The following SHANK2 variants were observed in gnomAD, a reference collection of about 807,000 sequenced individuals.
SHANK2 encodes the protein SH3 and multiple ankyrin repeat domains 2.
In SHANK2, 43 loss-of-function variants were observed where a neutral mutation model predicts 133.7. That is an observed-to-expected ratio of 0.32 (90% CI 0.25 to 0.41). The LOEUF (loss-of-function observed/expected upper bound fraction) is 0.41. SHANK2 is among the 10% of genes least tolerant of loss of function. The pLI is 1.00. For synonymous variants in SHANK2, 1,017 were observed against 952.8 expected (o/e 1.07, Z -1.24); for missense variants, 1,994 against 2,235.8 (o/e 0.89, Z 2.18).
intron 10 of SHANK2, among the ~76,000 whole-genome samples, chr11:70,925,409 TA>T (rs1452947882): frequency 6.6e-6 from 1 of 152,130 alleles, no homozygotes; most frequent in African/African-American, 2.4e-5. Context: ...AGCTGTGTAA[TA>T]AGGAAACAGC....
At chr11:70,549,546 G>C (rs1313783815) in intron 17 of SHANK2, among the ~76,000 whole-genome samples, 2 of 152,216 alleles carry the variant, frequency 1.3e-5, no homozygotes, top group African/African-American at 4.8e-5. Flanking sequence ...TTTGGTGCTC[G>C]AGGCAGTGTG....
At chr11:71,112,572 C>T (rs1032388273) in intron 5 of SHANK2, among the ~76,000 whole-genome samples, 2 of 152,150 alleles carry the variant, frequency 1.3e-5, no homozygotes, top group Admixed American at 6.5e-5. Context: ...CCCGGACTCT[C>T]CACCCCATGC....
At chr11:70,788,984 G>C (rs1458722116) in intron 14 of SHANK2, among the ~76,000 whole-genome samples, 1 of 152,036 alleles carries the variant, frequency 6.6e-6, no homozygotes, top group Non-Finnish European at 1.5e-5. Flanking sequence ...GTGTGGGGCT[G>C]GTGGCGGTCC....
intron 14 of SHANK2, among the ~76,000 whole-genome samples, chr11:70,702,248 T>C (rs1159226530): frequency 7.6e-6 from 1 of 132,054 alleles, no homozygotes; most frequent in African/African-American, 2.9e-5. Context: ...CATTCTTCAC[T>C]ATCATCACCA....
At chr11:70,561,719 C>CG (rs1275844731) in intron 17 of SHANK2, among the ~76,000 whole-genome samples, 2 of 15,796 alleles carry the variant, frequency 1.3e-4, no homozygotes, top group African/African-American at 2.1e-4. Flanking sequence ...GTAGAGATGG[C>CG]AGGGGGGGTC....
chr11:70,764,027 A>AGACT (rs1555040778), intron 14 of SHANK2, among the ~76,000 whole-genome samples: 1 of 151,316 alleles, frequency 6.6e-6, no homozygotes, highest in Non-Finnish European at 1.5e-5. Flanking sequence ...TCCATTGCTC[A>AGACT]AACTATCTGA....
rs545179418 is a variant in SHANK2 at position 70,776,705 on chromosome 11, C to T, written c.1777+21738G>A. Reference sequence around the variant, plus strand: ...CTAGTCACCCATCCTCCCACCTACCCACCTAACTGGGTGGGTCTTACTAGA... The same window carrying T: ...CTAGTCACCCATCCTCCCACCTACCTACCTAACTGGGTGGGTCTTACTAGA... On this transcript the variant is annotated intron_variant, in intron 14 of 25. Coordinates refer to ENST00000601538, the MANE Select transcript of SHANK2 (RefSeq NM_012309.5). 2.6e-5 allele frequency among the ~76,000 whole-genome samples: 4 copies of T among 152,008 alleles called. No homozygotes were observed. The South Asian group carries it at 8.3e-4, about 32-fold the overall frequency.
At chr11:70,773,183 T>C (rs1373287124) in intron 14 of SHANK2, among the ~76,000 whole-genome samples, 1 of 152,198 alleles carries the variant, frequency 6.6e-6, no homozygotes, top group Non-Finnish European at 1.5e-5. Context: ...TGGATGCCAG[T>C]GCACCGCTCA....
intron 15 of SHANK2, chr11:70,669,501 C>G (rs1944754019): frequency 6.6e-6 from 1 of 152,634 alleles, no homozygotes; most frequent in South Asian, 2.1e-4. Context: ...AGAACTGGAG[C>G]AGCCGACCCG....
chr11:70,633,382 T>A (rs485836), intron 17 of SHANK2, among the ~76,000 whole-genome samples: 83,967 of 150,644 alleles, frequency 0.56, 23,572 homozygotes, highest in Middle Eastern at 0.65. Flanking sequence ...ACAGGGAGAG[T>A]GAAAAAGACC....
chr11:70,751,147 G>GA, intron 14 of SHANK2, among the ~76,000 whole-genome samples: 1 of 152,140 alleles, frequency 6.6e-6, no homozygotes, highest in Non-Finnish European at 1.5e-5. Context: ...GAACAAGAGA[G>GA]AAAAGCACAT....
chr11:70,593,929 G>C (rs1031652476), intron 17 of SHANK2, among the ~76,000 whole-genome samples: 1 of 152,106 alleles, frequency 6.6e-6, no homozygotes, highest in South Asian at 2.1e-4. Flanking sequence ...GCACATGTGG[G>C]ACCTGCTGGT....
At chr11:70,762,163 C>A (rs1947010640) in intron 14 of SHANK2, among the ~76,000 whole-genome samples, 1 of 152,248 alleles carries the variant, frequency 6.6e-6, no homozygotes, top group Non-Finnish European at 1.5e-5. Context: ...TTAAAGCAGA[C>A]AGAATAGAGC....
chr11:71,140,242 C>G (rs1452444050), intron 3 of SHANK2, among the ~76,000 whole-genome samples: 1 of 152,192 alleles, frequency 6.6e-6, no homozygotes, highest in Non-Finnish European at 1.5e-5. Flanking sequence ...CAGAAGGTTC[C>G]AGAAACAACC....
intron 17 of SHANK2, among the ~76,000 whole-genome samples, chr11:70,596,272 G>T: frequency 6.6e-6 from 1 of 152,240 alleles, no homozygotes; most frequent in East Asian, 1.9e-4. Flanking sequence ...CAGTGCCATG[G>T]TGCCTCCTGC....
At chr11:71,118,699 T>G in intron 4 of SHANK2, 130 bp downstream of exon 4, 1 of 836,500 alleles carries the variant, frequency 1.2e-6, no homozygotes, top group Non-Finnish European at 1.8e-6. Flanking sequence ...CCCAGACTGA[T>G]TTTTAAATGT....
intron 17 of SHANK2, among the ~76,000 whole-genome samples, chr11:70,587,558 G>A (rs1261149536): frequency 2.6e-5 from 4 of 152,184 alleles, no homozygotes; most frequent in African/African-American, 4.8e-5. Flanking sequence ...ATGGAACAGC[G>A]AGTCCGACAT....
At chr11:70,735,421 G>A (rs1201739) in intron 14 of SHANK2, among the ~76,000 whole-genome samples, 3 of 152,218 alleles carry the variant, frequency 2.0e-5, no homozygotes, top group African/African-American at 7.2e-5. Context: ...AAAATGTGCA[G>A]AGGGCTGGGT....
intron 17 of SHANK2, among the ~76,000 whole-genome samples, chr11:70,586,750 C>T (rs2060259084): frequency 6.6e-6 from 1 of 152,208 alleles, no homozygotes; most frequent in Non-Finnish European, 1.5e-5. Flanking sequence ...GCACGGCTCG[C>T]AGCTGGAGCC....
Sources: gnomAD v4.1 joint callset for allele counts (sites outside exome capture counted in the v4.1 genomes callset) on GRCh38, gnomAD v4.1.1 for gene constraint, MANE v1.5 for transcripts, NCBI Gene and HGNC (gene_info 2026-07-23, HGNC 2026-07-21) for gene names.